OLFM2: variants seen among roughly 807,000 people sequenced by gnomAD.
OLFM2 encodes the protein noelin-2.
Under a neutral mutation model 43.9 loss-of-function variants are expected in OLFM2, and 20 were observed. The observed-to-expected ratio is 0.46, with a 90% CI of 0.32 to 0.66. OLFM2 has a LOEUF of 0.66. Among genes scored for constraint, OLFM2 ranks in the 30% least tolerant of loss-of-function variants. The probability of loss-of-function intolerance (pLI) is 0.04; values close to 1 mark genes in which losing one functional copy is unlikely to be tolerated. For missense variants in OLFM2, 416 were observed against 643.6 expected, an observed-to-expected ratio of 0.65 and a Z score of 3.83; for synonymous variants, 268 against 278.6, an observed-to-expected ratio of 0.96 and a Z score of 0.38.
intron 1 of OLFM2, among the ~76,000 whole-genome samples, chr19:9,915,809 C>T (rs149928222): frequency 1.0e-3 from 158 of 152,204 alleles, no homozygotes; most frequent in African/African-American, 3.7e-3. Flanking sequence ...TGAACCACCG[C>T]GCCTGGCGAG....
intron 1 of OLFM2, among the ~76,000 whole-genome samples, chr19:9,898,897 G>A (rs1443239777): frequency 6.6e-6 from 1 of 152,080 alleles, no homozygotes; most frequent in Admixed American, 6.6e-5. Context: ...TCACTTCCGG[G>A]AATCCATTAC....
Position 9,875,514 on chromosome 19 carries a change from C to CT in OLFM2, c.64-14721dup, listed in dbSNP as rs35244050. Among the ~76,000 whole-genome samples the CT allele has an allele frequency of 4.1e-3, 579 of 142,792 alleles. 19 individuals are homozygous for CT. Among genetic ancestry groups the CT allele is most frequent in the African/African-American group, 6.4e-3 (249 of 39,088 alleles). 93.7% of individuals were successfully genotyped at this position (142,792 alleles called of 152,430 possible). The stretch of plus-strand genomic sequence containing the variant: ...GCCGGGGATGAAGATGAATTAGCAG[C>CT]TTTTTTTTTTTTTTGAGACAGGCTG... On this transcript the variant is annotated intron_variant, in intron 1 of 5. Transcript: ENST00000264833.
intron 1 of OLFM2, among the ~76,000 whole-genome samples, chr19:9,909,416 C>G (rs917601987): frequency 2.0e-5 from 3 of 152,172 alleles, no homozygotes; most frequent in African/African-American, 7.2e-5. Context: ...TCCTGTCCCA[C>G]AGGGATGGTT....
At chr19:9,861,889 G>A (rs374197505) in intron 1 of OLFM2, among the ~76,000 whole-genome samples, 5 of 152,228 alleles carry the variant, frequency 3.3e-5, no homozygotes, top group East Asian at 1.9e-4. Flanking sequence ...GTATGGTGGC[G>A]GGCACCTGTA....
In OLFM2 at chr19:9,879,778, A is replaced by T. The variant is rs935136043; in HGVS notation, c.64-18984T>A. Reference sequence around the variant, plus strand: ...GCTATGTTGCCCAGGCTGGTCTTGAACTCTTTTTTGTCTTTTGAGGTGGAG... The same window carrying T: ...GCTATGTTGCCCAGGCTGGTCTTGATCTCTTTTTTGTCTTTTGAGGTGGAG... On this transcript the variant is annotated intron_variant, in intron 1 of 5. Transcript: ENST00000264833. Among the ~76,000 whole-genome samples the T allele has an allele frequency of 2.0e-4, 3 of 15,050 alleles. No individual in the cohort carries two copies. In the Non-Finnish European group the frequency reaches 2.0e-3, roughly 10 times the overall value. 9.9% of individuals were successfully genotyped at this position (15,050 alleles called of 152,430 possible). A position where few individuals can be genotyped will look rare whatever the true frequency, so the allele number is the denominator to read the frequency against.
intron 1 of OLFM2, among the ~76,000 whole-genome samples, chr19:9,930,831 C>A (rs1328805419): frequency 6.6e-6 from 1 of 151,978 alleles, no homozygotes; most frequent in African/African-American, 2.4e-5. Context: ...CCAGTGTGGA[C>A]GACACAGCAA....
intron 1 of OLFM2, among the ~76,000 whole-genome samples, chr19:9,908,596 A>C (rs1455974400): frequency 6.7e-6 from 1 of 149,512 alleles, no homozygotes; most frequent in Non-Finnish European, 1.5e-5. Flanking sequence ...CTCCTGCCTC[A>C]GCTTCCCGAG....
intron 1 of OLFM2, among the ~76,000 whole-genome samples, chr19:9,891,683 T>C (rs1409414428): frequency 1.3e-5 from 2 of 151,740 alleles, no homozygotes; most frequent in Non-Finnish European, 2.9e-5. Context: ...GTGGCCAGAC[T>C]AGGCAGAGAC....
At chr19:9,877,573 A>C (rs187410207) in intron 1 of OLFM2, among the ~76,000 whole-genome samples, 125 of 149,726 alleles carry the variant, frequency 8.3e-4, no homozygotes, top group African/African-American at 3.0e-3. Flanking sequence ...TAAATAAATA[A>C]ATACAATAAA....
intron 1 of OLFM2, 31 bp from the exon 2 acceptor site, chr19:9,860,825 T>C (rs2046361190): frequency 6.3e-7 from 1 of 1,587,464 alleles, no homozygotes; most frequent in Non-Finnish European, 8.5e-7. Flanking sequence ...GAGACCGGAA[T>C]CCCAGTGAGG....
chr19:9,915,314 C>G (rs2046866591), intron 1 of OLFM2, among the ~76,000 whole-genome samples: 1 of 149,778 alleles, frequency 6.7e-6, no homozygotes, highest in Non-Finnish European at 1.5e-5. Context: ...TGGCCTCAAT[C>G]GATCCTCCCA....
Position 9,857,980 on chromosome 19 carries a change from CT to C in OLFM2, c.214-120del, listed in dbSNP as rs2046336380. On this transcript the variant is annotated intron_variant, in intron 2 of 5. Transcript: ENST00000264833. This position sits in a 1 kb window ranked among gnomAD's most constrained non-coding sequence, Gnocchi z 5.7. ...ACAAACACCACACCGACGAGGCCAC[CT>C]TCTCCTCCCCTGAGCTTACCAGCAG... 31 of 1,266,940 alleles carry C rather than the reference CT, an allele frequency of 2.4e-5. No homozygotes were observed. In the South Asian group the frequency reaches 3.0e-4, roughly 12 times the overall value. 78.5% of individuals were successfully genotyped at this position (1,266,940 alleles called of 1,614,324 possible). A position where few individuals can be genotyped will look rare whatever the true frequency, so the allele number is the denominator to read the frequency against.
intron 1 of OLFM2, among the ~76,000 whole-genome samples, chr19:9,863,412 G>A (rs1441698585): frequency 3.3e-5 from 5 of 152,038 alleles, no homozygotes; most frequent in Non-Finnish European, 5.9e-5. Context: ...GCTGCTCTAG[G>A]GAACGAGGGA....
chr19:9,863,554 A>T (rs1016384278), intron 1 of OLFM2, among the ~76,000 whole-genome samples: 42 of 152,100 alleles, frequency 2.8e-4, no homozygotes, highest in South Asian at 1.0e-3. Context: ...AATTCTGATT[A>T]AAAAAACCCC....
In OLFM2 at chr19:9,873,342, C is replaced by T. The variant is rs184720636; in HGVS notation, c.64-12548G>A. Reference sequence around the variant, plus strand: ...CTAATTTTTGTATTTTTTGTAGAGACGGGGTTTCACCATGTTGCCCAGGCT... The same window carrying T: ...CTAATTTTTGTATTTTTTGTAGAGATGGGGTTTCACCATGTTGCCCAGGCT... On this transcript the variant is annotated intron_variant, in intron 1 of 5. Coordinates refer to ENST00000264833, the MANE Select transcript of OLFM2 (RefSeq NM_058164.4). Among the ~76,000 whole-genome samples the T allele has an allele frequency of 1.5e-4, 23 of 152,190 alleles. No individual in the cohort carries two copies. The East Asian group carries it at 3.5e-3, about 23-fold the overall frequency.
chr19:9,930,711 G>A (rs975600051), intron 1 of OLFM2, among the ~76,000 whole-genome samples: 3 of 151,568 alleles, frequency 2.0e-5, no homozygotes, highest in Non-Finnish European at 4.4e-5. Context: ...AAATTTAGCC[G>A]GCTGTGGTGC....
At chr19:9,928,372 T>C (rs1234491055) in intron 1 of OLFM2, among the ~76,000 whole-genome samples, 1 of 152,236 alleles carries the variant, frequency 6.6e-6, no homozygotes, top group Non-Finnish European at 1.5e-5. Context: ...TTTTTGTTTC[T>C]TTCTTCTTGT....
intron 1 of OLFM2, among the ~76,000 whole-genome samples, chr19:9,876,529 T>G (rs1050758939): frequency 2.0e-5 from 3 of 152,162 alleles, no homozygotes; most frequent in African/African-American, 7.2e-5. Flanking sequence ...CATGCGCCCC[T>G]GCGGGTGGCA....
At chr19:9,928,611 C>A (rs1568389215) in intron 1 of OLFM2, among the ~76,000 whole-genome samples, 1 of 152,078 alleles carries the variant, frequency 6.6e-6, no homozygotes, top group Non-Finnish European at 1.5e-5. Flanking sequence ...TCAAGACCAG[C>A]CTGGGCAACA....
Sources: allele counts gnomAD v4.1 joint callset (sites outside exome capture counted in the v4.1 genomes callset), GRCh38; gene constraint gnomAD v4.1.1; non-coding constraint Gnocchi (gnomAD v3.1); transcripts MANE v1.5; gene names NCBI Gene and HGNC (gene_info 2026-07-23, HGNC 2026-07-21).